Variants in MACROD2 observed in about 807,000 individuals in gnomAD.
MACROD2 encodes ADP-ribose glycohydrolase MACROD2.
In MACROD2, 36 loss-of-function variants were observed where a neutral mutation model predicts 70.4. That is an observed-to-expected ratio of 0.51 (90% CI 0.39 to 0.68). MACROD2 has a LOEUF of 0.68. MACROD2 is among the 30% of genes least tolerant of loss of function. The pLI, the probability that MACROD2 is intolerant of heterozygous loss-of-function variation, is 0.00. For synonymous variants in MACROD2, 172 were observed against 178.8 expected (o/e 0.96, Z 0.30); for missense variants, 496 against 538.4 (o/e 0.92, Z 0.78).
chr20:14,595,403 C>T (rs1252352348), intron 4 of MACROD2, among the ~76,000 whole-genome samples: 1 of 152,174 alleles, frequency 6.6e-6, no homozygotes, highest in East Asian at 1.9e-4. Context: ...CAGCCTCGTC[C>T]CCGCTGCAAA....
At chr20:14,110,540 A>T (rs1212097216) in intron 3 of MACROD2, among the ~76,000 whole-genome samples, 3 of 152,072 alleles carry the variant, frequency 2.0e-5, no homozygotes, top group Admixed American at 6.6e-5. Flanking sequence ...AAGTTGCAGG[A>T]TACAAAATCA....
intron 5 of MACROD2, among the ~76,000 whole-genome samples, chr20:14,880,621 T>G (rs974368975): frequency 2.0e-5 from 3 of 152,198 alleles, no homozygotes; most frequent in African/African-American, 7.2e-5. Context: ...TTCAGAAGAA[T>G]TCATGCATTT....
intron 7 of MACROD2, among the ~76,000 whole-genome samples, chr20:15,432,947 A>G (rs985642647): frequency 7.2e-5 from 11 of 151,846 alleles, no homozygotes; most frequent in African/African-American, 2.7e-4. Flanking sequence ...ATAAAATTAG[A>G]GGCTCCAATA....
Position 16,003,987 on chromosome 20 carries a change from T to G in MACROD2, c.1153+16829T>G, listed in dbSNP as rs945260618. On this transcript the variant is annotated intron_variant, in intron 15 of 17. Coordinates refer to ENST00000684519, the MANE Select transcript of MACROD2 (RefSeq NM_001351661.2). ...CCCGGCCAAAATTTTGCATTTTTAATGAGTTCCCAGGTGATGGTGGTACTG... is the reference window on the plus strand; with the variant it reads ...CCCGGCCAAAATTTTGCATTTTTAAGGAGTTCCCAGGTGATGGTGGTACTG... Among the ~76,000 whole-genome samples the G allele has an allele frequency of 2.6e-5, 4 of 152,126 alleles. No individual in the cohort carries two copies. In the South Asian group the frequency reaches 8.3e-4, roughly 32 times the overall value.
intron 4 of MACROD2, among the ~76,000 whole-genome samples, chr20:14,619,232 T>C (rs1367227268): frequency 6.6e-6 from 1 of 151,710 alleles, no homozygotes; most frequent in Non-Finnish European, 1.5e-5. Context: ...TGAACTCTGT[T>C]AAAATTATAC....
At chr20:14,127,223 A>T (rs1222884087) in intron 3 of MACROD2, among the ~76,000 whole-genome samples, 1 of 152,212 alleles carries the variant, frequency 6.6e-6, no homozygotes, top group Non-Finnish European at 1.5e-5. Flanking sequence ...ATAGATGATC[A>T]AATCAGCCAC....
intron 8 of MACROD2, among the ~76,000 whole-genome samples, chr20:15,813,652 G>A (rs1359649522): frequency 6.6e-6 from 1 of 152,090 alleles, no homozygotes; most frequent in African/African-American, 2.4e-5. Context: ...GGTGGCACAT[G>A]CTTGTGATCC....
intron 5 of MACROD2, among the ~76,000 whole-genome samples, chr20:14,702,841 C>T (rs1054267539): frequency 6.6e-6 from 1 of 150,908 alleles, no homozygotes; most frequent in African/African-American, 2.4e-5. Context: ...AATTCTCCTG[C>T]CTCAGCCTCC....
At chr20:14,398,590 T>C (rs1256075924) in intron 3 of MACROD2, among the ~76,000 whole-genome samples, 1 of 152,158 alleles carries the variant, frequency 6.6e-6, no homozygotes, top group African/African-American at 2.4e-5. Flanking sequence ...CTTAGATTCT[T>C]TGCCCATTTA....
chr20:16,002,837 G>A (rs570026000), intron 15 of MACROD2, among the ~76,000 whole-genome samples: 1 of 152,058 alleles, frequency 6.6e-6, no homozygotes. Flanking sequence ...CTAGTATTTC[G>A]CATCCAAATT....
intron 5 of MACROD2, among the ~76,000 whole-genome samples, chr20:14,916,655 A>G (rs2074095652): frequency 6.6e-6 from 1 of 152,204 alleles, no homozygotes; most frequent in African/African-American, 2.4e-5. Flanking sequence ...CAAAGGCAGC[A>G]AAGTGTTAGC....
At chr20:14,030,890 G>T (rs1367110485) in intron 2 of MACROD2, among the ~76,000 whole-genome samples, 1 of 152,126 alleles carries the variant, frequency 6.6e-6, no homozygotes, top group African/African-American at 2.4e-5. Flanking sequence ...TACTTTTGGG[G>T]AGCAAATTAA....
At chr20:15,558,594 A>G (rs915967847) in intron 8 of MACROD2, among the ~76,000 whole-genome samples, 2 of 152,296 alleles carry the variant, frequency 1.3e-5, no homozygotes, top group South Asian at 2.1e-4. Context: ...CATATGTTTC[A>G]TATGAAACCA....
At chr20:14,730,716 TAAATC>T (rs1003978234) in intron 5 of MACROD2, among the ~76,000 whole-genome samples, 4 of 152,114 alleles carry the variant, frequency 2.6e-5, no homozygotes, top group African/African-American at 9.7e-5. Flanking sequence ...AGTATATAGA[TAAATC>T]TAATATAATA....
At chr20:16,013,200 G>A (rs2066886316) in intron 15 of MACROD2, among the ~76,000 whole-genome samples, 1 of 151,974 alleles carries the variant, frequency 6.6e-6, no homozygotes, top group South Asian at 2.1e-4. Flanking sequence ...GAGCTAGAAA[G>A]TTACGTTAGT....
At chr20:14,435,144 A>G (rs1048485287) in intron 3 of MACROD2, among the ~76,000 whole-genome samples, 1 of 152,174 alleles carries the variant, frequency 6.6e-6, no homozygotes, top group South Asian at 2.1e-4. Flanking sequence ...CAAGAAATAA[A>G]GAATCCTTCC....
At chr20:15,650,819 A>C (rs961340075) in intron 8 of MACROD2, among the ~76,000 whole-genome samples, 1 of 152,180 alleles carries the variant, frequency 6.6e-6, no homozygotes, top group Non-Finnish European at 1.5e-5. Context: ...GTGAAACCTG[A>C]GAACCCCTTG....
In MACROD2 at chr20:14,173,327, C is replaced by T. The variant is rs557804712; in HGVS notation, c.271+87599C>T. ...TAAAGTCTTTGTTCATTTTTCTTTTCGTCTTTGTTAGATTGAATTAATTCG... is the reference window on the plus strand; with the variant it reads ...TAAAGTCTTTGTTCATTTTTCTTTTTGTCTTTGTTAGATTGAATTAATTCG... On this transcript the variant is annotated intron_variant, in intron 3 of 17. Transcript: ENST00000684519. Among the ~76,000 whole-genome samples, 25 of 152,190 alleles carry T rather than the reference C, an allele frequency of 1.6e-4. No individual in the cohort carries two copies. In the South Asian group the frequency reaches 3.1e-3, roughly 19 times the overall value.
At chr20:14,887,825 C>T (rs954497124) in intron 5 of MACROD2, among the ~76,000 whole-genome samples, 2 of 150,202 alleles carry the variant, frequency 1.3e-5, no homozygotes, top group African/African-American at 2.5e-5. Flanking sequence ...GGACTTGTCT[C>T]GTGATGTCAC....
Sources: gnomAD v4.1 joint callset for allele counts (sites outside exome capture counted in the v4.1 genomes callset) on GRCh38, gnomAD v4.1.1 for gene constraint, MANE v1.5 for transcripts, NCBI Gene and HGNC (gene_info 2026-07-23, HGNC 2026-07-21) for gene names.